The following SLC39A11 variants were observed in gnomAD, a reference collection of about 807,000 sequenced individuals.
SLC39A11 encodes the protein solute carrier family 39 member 11.
Under a neutral mutation model 36.1 loss-of-function variants are expected in SLC39A11, and 33 were observed. The observed-to-expected ratio is 0.91, with a 90% CI of 0.69 to 1.22. The LOEUF (loss-of-function observed/expected upper bound fraction) is 1.22. Ranked by LOEUF, SLC39A11 falls within the 50% of genes most tolerant of loss-of-function variation. The probability of loss-of-function intolerance (pLI) is 0.00; values close to 1 mark genes in which losing one functional copy is unlikely to be tolerated. For synonymous variants in SLC39A11, 166 were observed against 170.3 expected (o/e 0.97, Z 0.20); for missense variants, 432 against 430.3 (o/e 1.00, Z -0.03).
chr17:72,801,197 T>C (rs2077073651), intron 6 of SLC39A11, among the ~76,000 whole-genome samples: 1 of 152,168 alleles, frequency 6.6e-6, no homozygotes, highest in Admixed American at 6.6e-5. Flanking sequence ...GCAGGATTTG[T>C]TTTGGAGGCA....
At chr17:73,067,773 T>A in intron 3 of SLC39A11, 1 of 1,031,834 alleles carries the variant, frequency 9.7e-7, no homozygotes, top group Non-Finnish European at 1.5e-6. Context: ...ATAGATCACA[T>A]CTGTTAAGTC....
intron 4 of SLC39A11, among the ~76,000 whole-genome samples, chr17:72,981,724 A>C (rs1256871552): frequency 6.6e-6 from 1 of 152,206 alleles, no homozygotes; most frequent in Non-Finnish European, 1.5e-5. Context: ...TTAAATAAAA[A>C]TCTACATGGT....
intron 6 of SLC39A11, among the ~76,000 whole-genome samples, chr17:72,773,319 C>T (rs1369287874): frequency 2.0e-5 from 3 of 152,054 alleles, no homozygotes; most frequent in Non-Finnish European, 4.4e-5. Context: ...ATTGTAGTTC[C>T]CATAATTCCC....
intron 5 of SLC39A11, 94 bp downstream of exon 5, chr17:72,947,658 A>T (rs1350398483): frequency 1.3e-6 from 2 of 1,571,862 alleles, no homozygotes; most frequent in Admixed American, 1.7e-5. Context: ...CATTTCTCTC[A>T]CTATTCATCC....
intron 4 of SLC39A11, among the ~76,000 whole-genome samples, chr17:72,960,193 T>A (rs1347370763): frequency 6.6e-6 from 1 of 152,210 alleles, no homozygotes; most frequent in Non-Finnish European, 1.5e-5. Flanking sequence ...ATGGTCATAT[T>A]TATCCAGGGG....
intron 3 of SLC39A11, among the ~76,000 whole-genome samples, chr17:73,062,456 T>G (rs1341863244): frequency 8.7e-5 from 1 of 11,558 alleles, no homozygotes; most frequent in Non-Finnish European, 2.0e-4. Flanking sequence ...TGCCAGAGCT[T>G]GTCTCAAAAA....
chr17:73,046,267 T>G (rs2059287556), intron 3 of SLC39A11, among the ~76,000 whole-genome samples: 1 of 152,188 alleles, frequency 6.6e-6, no homozygotes, highest in Non-Finnish European at 1.5e-5. Context: ...CTCCTTGTTC[T>G]AAATAGTATT....
At chr17:72,930,408 G>C (rs368738237) in intron 5 of SLC39A11, among the ~76,000 whole-genome samples, 2 of 152,196 alleles carry the variant, frequency 1.3e-5, no homozygotes, top group East Asian at 3.8e-4. Context: ...TACCAGTACA[G>C]AGTCTCTACC....
chr17:72,688,240 T>C (rs2071848402), intron 7 of SLC39A11, among the ~76,000 whole-genome samples: 1 of 152,194 alleles, frequency 6.6e-6, no homozygotes, highest in African/African-American at 2.4e-5. Context: ...CTAAGATACC[T>C]GAATGAAGGG....
intron 5 of SLC39A11, among the ~76,000 whole-genome samples, chr17:72,908,931 A>C (rs1424190765): frequency 1.3e-5 from 2 of 152,222 alleles, no homozygotes; most frequent in East Asian, 3.9e-4. Flanking sequence ...CACGGGAGCC[A>C]AGCCTGGTCA....
At chr17:72,979,179 G>A (rs1003764201) in intron 4 of SLC39A11, among the ~76,000 whole-genome samples, 15 of 152,094 alleles carry the variant, frequency 9.9e-5, no homozygotes, top group African/African-American at 1.7e-4. Context: ...CTCCCCCTTC[G>A]CTTGCCACTT....
At chr17:72,736,125 A>T (rs911458007) in intron 7 of SLC39A11, among the ~76,000 whole-genome samples, 2 of 152,200 alleles carry the variant, frequency 1.3e-5, no homozygotes, top group African/African-American at 2.4e-5. Context: ...GACGGAGAAG[A>T]TTGCCCAGAA....
intron 4 of SLC39A11, among the ~76,000 whole-genome samples, chr17:73,020,808 G>A (rs1413277114): frequency 2.8e-5 from 4 of 145,312 alleles, no homozygotes; most frequent in East Asian, 2.2e-4. Context: ...CCAGCCTCCC[G>A]AGTAGCTGGG....
At chr17:73,013,954 C>A (rs1215935217) in intron 4 of SLC39A11, among the ~76,000 whole-genome samples, 15 of 152,122 alleles carry the variant, frequency 9.9e-5, no homozygotes. Context: ...CACACCCAAG[C>A]CTCAGTGCAA....
chr17:72,885,962 G>C (rs976903549), intron 5 of SLC39A11, among the ~76,000 whole-genome samples: 2 of 152,164 alleles, frequency 1.3e-5, no homozygotes, highest in Non-Finnish European at 2.9e-5. Flanking sequence ...CCAATCCAGT[G>C]CTCCCATCTC....
intron 6 of SLC39A11, among the ~76,000 whole-genome samples, chr17:72,837,307 G>A (rs1431655609): frequency 6.7e-6 from 1 of 149,154 alleles, no homozygotes; most frequent in South Asian, 2.1e-4. Flanking sequence ...CTATTGACTT[G>A]GAGGAAAATT....
At chr17:72,900,163 AAGAAAGAAAG>A (rs1252279931) in intron 5 of SLC39A11, among the ~76,000 whole-genome samples, 7 of 97,160 alleles carry the variant, frequency 7.2e-5, no homozygotes, top group Non-Finnish European at 1.7e-4. Flanking sequence ...AAAAGAAAGA[AAGAAAGAAAG>A]AAAGAAAGAA....
intron 7 of SLC39A11, among the ~76,000 whole-genome samples, chr17:72,710,820 G>A (rs2073080061): frequency 6.6e-6 from 1 of 152,124 alleles, no homozygotes; most frequent in African/African-American, 2.4e-5. Flanking sequence ...AAAATTAGGG[G>A]AAATTCTGCC....
chr17:72,792,651 C>G (rs1233584970), intron 6 of SLC39A11, among the ~76,000 whole-genome samples: 1 of 152,172 alleles, frequency 6.6e-6, no homozygotes, highest in Non-Finnish European at 1.5e-5. Context: ...TGTCTTTAAT[C>G]AAGGCACACT....
Sources: allele counts gnomAD v4.1 joint callset (sites outside exome capture counted in the v4.1 genomes callset), GRCh38; gene constraint gnomAD v4.1.1; transcripts MANE v1.5; gene names NCBI Gene and HGNC (gene_info 2026-07-23, HGNC 2026-07-21).